The following RAD51B variants were observed in gnomAD, a reference collection of about 807,000 sequenced individuals.
RAD51B encodes DNA repair protein RAD51 homolog 2.
RAD51B carries 38 observed loss-of-function variants against 42.2 expected under a neutral mutation model. The observed-to-expected ratio is 0.90, with a 90% confidence interval of 0.70 to 1.18. The LOEUF is 1.18. RAD51B is among the 50% of genes most tolerant of loss of function. RAD51B has a pLI of 0.00. For missense variants in RAD51B, 373 were observed against 400.7 expected (o/e 0.93, Z 0.59); for synonymous variants, 154 against 145.2 (o/e 1.06, Z -0.43).
At chr14:68,217,155 T>C (rs1334654334) in intron 7 of RAD51B, among the ~76,000 whole-genome samples, 4 of 152,134 alleles carry the variant, frequency 2.6e-5, no homozygotes, top group Non-Finnish European at 5.9e-5. Flanking sequence ...CCCCTGCTGC[T>C]CTCCTAAGTG....
intron 7 of RAD51B, among the ~76,000 whole-genome samples, chr14:68,099,119 C>T (rs1461442334): frequency 1.3e-5 from 2 of 152,198 alleles, no homozygotes; most frequent in African/African-American, 4.8e-5. Context: ...AAAACCCTAA[C>T]TTGGGAAAGT....
chr14:68,094,064 A>C (rs1328953556), intron 7 of RAD51B, among the ~76,000 whole-genome samples: 2 of 152,144 alleles, frequency 1.3e-5, no homozygotes, highest in Non-Finnish European at 2.9e-5. Flanking sequence ...GTGGTATTTA[A>C]TTTTAAGTTG....
intron 10 of RAD51B, among the ~76,000 whole-genome samples, chr14:68,574,614 C>T (rs971851250): frequency 3.9e-5 from 6 of 152,208 alleles, no homozygotes; most frequent in Non-Finnish European, 5.9e-5. Flanking sequence ...ACTTTGAATC[C>T]ACCAGGCCCA....
At chr14:68,395,402 A>G (rs1185849321) in intron 8 of RAD51B, among the ~76,000 whole-genome samples, 1 of 152,144 alleles carries the variant, frequency 6.6e-6, no homozygotes, top group Non-Finnish European at 1.5e-5. Flanking sequence ...AGGGATAGGA[A>G]GGGGGAGGAT....
intron 4 of RAD51B, among the ~76,000 whole-genome samples, chr14:67,861,657 T>G (rs1442479118): frequency 1.3e-5 from 2 of 152,144 alleles, no homozygotes; most frequent in Non-Finnish European, 2.9e-5. Flanking sequence ...GACCCTTTTT[T>G]GTATGACAAG....
rs200179935 is a variant in RAD51B at position 68,139,502 on chromosome 14, C to CA, written c.757-152372dup. ...ATTTTTCAAAACCCTTTGATTGAGA[C>CA]AAAAAAAAAAGCAGGTTCATCTAGC... On this transcript the variant is annotated intron_variant, in intron 7 of 10. Coordinates refer to ENST00000471583, the MANE Select transcript of RAD51B (RefSeq NM_133510.4). Among the ~76,000 whole-genome samples, 1,253 of 150,178 alleles carry CA rather than the reference C, an allele frequency of 8.3e-3. 9 individuals carry two copies. The highest frequency in any genetic ancestry group is 0.023 in the African/African-American group (915 of 40,328).
chr14:68,634,777 G>A (rs1313280787), intron 10 of RAD51B, among the ~76,000 whole-genome samples: 1 of 152,206 alleles, frequency 6.6e-6, no homozygotes, highest in African/African-American at 2.4e-5. Flanking sequence ...CTGGGATGCT[G>A]AGTACAGTTT....
chr14:68,163,150 A>G (rs1243090522), intron 7 of RAD51B, among the ~76,000 whole-genome samples: 2 of 152,362 alleles, frequency 1.3e-5, no homozygotes, highest in African/African-American at 4.8e-5. Flanking sequence ...GAGCTGAATG[A>G]GTAGAGTGAT....
chr14:68,164,219 G>T (rs1391080756), intron 7 of RAD51B, among the ~76,000 whole-genome samples: 1 of 152,084 alleles, frequency 6.6e-6, no homozygotes, highest in East Asian at 1.9e-4. Flanking sequence ...AATTTACTTT[G>T]CATTCCTTAT....
intron 10 of RAD51B, among the ~76,000 whole-genome samples, chr14:68,589,499 C>T (rs757930577): frequency 1.3e-5 from 2 of 152,248 alleles, no homozygotes; most frequent in Non-Finnish European, 2.9e-5. Context: ...AAGCCCCTCC[C>T]GACCTGGGAA....
At chr14:68,584,217 C>T (rs575281817) in intron 10 of RAD51B, among the ~76,000 whole-genome samples, 2 of 152,278 alleles carry the variant, frequency 1.3e-5, no homozygotes, top group Non-Finnish European at 2.9e-5. Flanking sequence ...GCCTGTGCCA[C>T]TTGGCTGGCC....
At chr14:67,910,547 T>A (rs2043942794) in intron 7 of RAD51B, among the ~76,000 whole-genome samples, 2 of 151,648 alleles carry the variant, frequency 1.3e-5, no homozygotes, top group South Asian at 4.2e-4. Context: ...TGCAGTTTGA[T>A]ATTGCTCATT....
intron 10 of RAD51B, among the ~76,000 whole-genome samples, chr14:68,537,384 A>G (rs1887695395): frequency 6.6e-6 from 1 of 150,554 alleles, no homozygotes; most frequent in Non-Finnish European, 1.5e-5. Context: ...CTGTAGTCCC[A>G]GCTACTCGGG....
At chr14:68,201,745 AG>A in intron 7 of RAD51B, among the ~76,000 whole-genome samples, 1 of 152,246 alleles carries the variant, frequency 6.6e-6, no homozygotes, top group East Asian at 1.9e-4. Context: ...GGTATAGGGA[AG>A]GCTCTGTGGA....
chr14:68,378,932 C>T (rs1204668718), intron 8 of RAD51B, among the ~76,000 whole-genome samples: 1 of 152,198 alleles, frequency 6.6e-6, no homozygotes, highest in African/African-American at 2.4e-5. Context: ...AGATGAGACA[C>T]TCAGGCCCAG....
At chr14:68,061,772 C>T (rs552257195) in intron 7 of RAD51B, among the ~76,000 whole-genome samples, 11 of 152,042 alleles carry the variant, frequency 7.2e-5, no homozygotes, top group Non-Finnish European at 1.5e-4. Context: ...CTGAGTTTGT[C>T]TATTCATTCT....
At chr14:68,318,560 T>A (rs1436019445) in intron 8 of RAD51B, among the ~76,000 whole-genome samples, 1 of 152,192 alleles carries the variant, frequency 6.6e-6, no homozygotes, top group Non-Finnish European at 1.5e-5. Flanking sequence ...AAGAACTCAG[T>A]TGTTTTTGAT....
chr14:68,017,271 C>G (rs2075791048), intron 7 of RAD51B, among the ~76,000 whole-genome samples: 2 of 152,130 alleles, frequency 1.3e-5, no homozygotes, highest in South Asian at 4.1e-4. Context: ...TCTCAGCTCA[C>G]TGCATCCTCC....
chr14:67,918,584 A>T (rs1287814997), intron 7 of RAD51B, among the ~76,000 whole-genome samples: 1 of 152,210 alleles, frequency 6.6e-6, no homozygotes, highest in East Asian at 1.9e-4. Flanking sequence ...TCCAGAACTG[A>T]AGGACATCTG....
Sources: allele counts gnomAD v4.1 joint callset (sites outside exome capture counted in the v4.1 genomes callset), GRCh38; gene constraint gnomAD v4.1.1; transcripts MANE v1.5; gene names NCBI Gene and HGNC (gene_info 2026-07-23, HGNC 2026-07-21).